The following DPP10 variants were observed in gnomAD, a reference collection of about 807,000 sequenced individuals.
DPP10 encodes dipeptidyl peptidase like 10.
A neutral mutation model predicts 120.9 loss-of-function variants in DPP10; 33 were observed. The observed-to-expected ratio is 0.27, with a 90% CI of 0.21 to 0.37. The LOEUF (loss-of-function observed/expected upper bound fraction) is 0.37. Ranked by LOEUF, DPP10 falls within the 10% of genes least tolerant of loss-of-function variation. The pLI is 1.00. For missense variants in DPP10, 816 were observed against 942.8 expected (o/e 0.87, Z 1.76); for synonymous variants, 337 against 326.1 (o/e 1.03, Z -0.36).
At chr2:114,834,408 A>G (rs572258833) in intron 1 of DPP10, among the ~76,000 whole-genome samples, 15 of 151,168 alleles carry the variant, frequency 9.9e-5, no homozygotes, top group Middle Eastern at 3.5e-3. Flanking sequence ...TATAAGCCAT[A>G]TCTACACACC....
chr2:115,352,215 T>A (rs1559470395), intron 3 of DPP10, among the ~76,000 whole-genome samples: 1 of 152,134 alleles, frequency 6.6e-6, no homozygotes, highest in East Asian at 1.9e-4. Context: ...ATATTTATGT[T>A]ACCACTTATT....
chr2:114,904,930 G>A (rs1693848453), intron 1 of DPP10, among the ~76,000 whole-genome samples: 2 of 152,118 alleles, frequency 1.3e-5, no homozygotes, highest in Non-Finnish European at 2.9e-5. Flanking sequence ...TTAGAGGCAG[G>A]AGCTTAGGGA....
intron 5 of DPP10, among the ~76,000 whole-genome samples, chr2:115,644,058 A>G (rs2149357074): frequency 6.6e-6 from 1 of 152,300 alleles, no homozygotes; most frequent in African/African-American, 2.4e-5. Context: ...GAACATTTCT[A>G]AATCCAGTCT....
intron 1 of DPP10, among the ~76,000 whole-genome samples, chr2:115,133,145 G>GTATATCTATATATATATA (rs2050458280): frequency 3.5e-5 from 1 of 28,762 alleles, no homozygotes; most frequent in Non-Finnish European, 6.6e-5. Context: ...GTGTGTGTGT[G>GTATATCTATATATATATA]TATATATATA....
Position 114,555,456 on chromosome 2 carries a change from A to C in DPP10, c.60+112618A>C, listed in dbSNP as rs146803596. Among the ~76,000 whole-genome samples the C allele has an allele frequency of 2.2e-4, 33 of 152,312 alleles. No individual in the cohort carries two copies. In the South Asian group the frequency reaches 3.5e-3, roughly 16 times the overall value. ...ATCAATACATTTCAGTTGCTGATGA[A>C]GAATGTAATGTGGATAAGAAATAAC... On this transcript the variant is annotated intron_variant, in intron 1 of 25. Coordinates refer to ENST00000410059, the MANE Select transcript of DPP10 (RefSeq NM_020868.6).
At chr2:114,526,176 C>T (rs566341171) in intron 1 of DPP10, among the ~76,000 whole-genome samples, 2 of 152,260 alleles carry the variant, frequency 1.3e-5, no homozygotes, top group South Asian at 2.1e-4. Context: ...CTGTGCCAGC[C>T]AAGGGGACAG....
rs552213949 is a variant in DPP10, at chr2:114,769,443, A to G, written c.60+326605A>G. Among the ~76,000 whole-genome samples the G allele has an allele frequency of 4.6e-5, 7 of 152,296 alleles. No individual in the cohort carries two copies. The South Asian group carries it at 1.2e-3, about 27-fold the overall frequency. On this transcript the variant is annotated intron_variant, in intron 1 of 25. Coordinates refer to ENST00000410059, the MANE Select transcript of DPP10 (RefSeq NM_020868.6). Reference sequence around the variant, plus strand: ...CCCTCAAATCCTCCATCCTCGATACAGGGAAGCTAGCATCAGTGAGGCTCA... The same window carrying G: ...CCCTCAAATCCTCCATCCTCGATACGGGGAAGCTAGCATCAGTGAGGCTCA...
intron 1 of DPP10, among the ~76,000 whole-genome samples, chr2:115,222,413 G>A (rs1473087241): frequency 6.6e-6 from 1 of 152,048 alleles, no homozygotes; most frequent in Non-Finnish European, 1.5e-5. Flanking sequence ...TCATGGGGCA[G>A]GTCTTCTCAT....
chr2:115,306,080 C>T (rs184688703), intron 1 of DPP10, among the ~76,000 whole-genome samples: 19 of 151,526 alleles, frequency 1.3e-4, no homozygotes, highest in African/African-American at 4.4e-4. Flanking sequence ...ATTATTATTC[C>T]AGTTGTTCAG....
chr2:114,740,866 A>AAC (rs1677985122), intron 1 of DPP10, among the ~76,000 whole-genome samples: 1 of 152,208 alleles, frequency 6.6e-6, no homozygotes, highest in Non-Finnish European at 1.5e-5. Context: ...TTTCTGTAGT[A>AAC]TATACTGTAC....
chr2:115,790,753 A>T (rs549819901), intron 17 of DPP10, among the ~76,000 whole-genome samples: 1 of 152,246 alleles, frequency 6.6e-6, no homozygotes, highest in South Asian at 2.1e-4. Flanking sequence ...TTTAATTGGT[A>T]TAGGTACCTA....
intron 1 of DPP10, among the ~76,000 whole-genome samples, chr2:114,746,779 A>G (rs550001234): frequency 3.0e-4 from 46 of 152,240 alleles, no homozygotes; most frequent in Non-Finnish European, 6.2e-4. Flanking sequence ...GAGTTTTCCA[A>G]TGACAAAATG....
intron 1 of DPP10, among the ~76,000 whole-genome samples, chr2:114,832,709 A>G (rs938431846): frequency 6.6e-6 from 1 of 152,208 alleles, no homozygotes; most frequent in African/African-American, 2.4e-5. Flanking sequence ...CCAAACAAAT[A>G]TTTGAAATCA....
At chr2:114,994,951 T>TTCTCAAGCACTCCCTGTATTCTAC (rs1700984585) in intron 1 of DPP10, among the ~76,000 whole-genome samples, 3 of 152,214 alleles carry the variant, frequency 2.0e-5, no homozygotes, top group Admixed American at 6.5e-5. Flanking sequence ...ATGCACCCAA[T>TTCTCAAGCACTCCCTGTATTCTAC]TCTCAAGCAC....
chr2:115,833,973 A>C (rs2150110284), intron 21 of DPP10, among the ~76,000 whole-genome samples: 1 of 152,166 alleles, frequency 6.6e-6, no homozygotes, highest in Non-Finnish European at 1.5e-5. Flanking sequence ...TACCTAAGGG[A>C]AAATTTAAAA....
At chr2:115,331,034 G>A (rs377069641) in intron 2 of DPP10, among the ~76,000 whole-genome samples, 1 of 152,064 alleles carries the variant, frequency 6.6e-6, no homozygotes, top group Non-Finnish European at 1.5e-5. Context: ...CCATTTTCAC[G>A]ATATTGATTC....
chr2:115,098,196 G>C (rs1305692872), intron 1 of DPP10, among the ~76,000 whole-genome samples: 1 of 152,126 alleles, frequency 6.6e-6, no homozygotes, highest in African/African-American at 2.4e-5. Context: ...CCAGAGCAAG[G>C]CTCTGACTGA....
At chr2:115,743,873 C>T (rs895272639) in intron 9 of DPP10, among the ~76,000 whole-genome samples, 4 of 150,536 alleles carry the variant, frequency 2.7e-5, no homozygotes, top group African/African-American at 9.7e-5. Context: ...AGCCTGTTCT[C>T]GAAATGTGGT....
chr2:115,389,693 CG>C (rs1231877724), intron 3 of DPP10, among the ~76,000 whole-genome samples: 1 of 152,242 alleles, frequency 6.6e-6, no homozygotes, highest in East Asian at 1.9e-4. Context: ...CAAAACAACA[CG>C]TGCATTCTAG....
Sources: gnomAD v4.1 joint callset for allele counts (sites outside exome capture counted in the v4.1 genomes callset) on GRCh38, gnomAD v4.1.1 for gene constraint, MANE v1.5 for transcripts, NCBI Gene and HGNC (gene_info 2026-07-23, HGNC 2026-07-21) for gene names.